Variants in EIF4G3 observed in about 807,000 individuals in gnomAD.
The protein encoded by EIF4G3 is eIF-4-gamma 3.
In EIF4G3, 34 loss-of-function variants were observed where a neutral mutation model predicts 186.4. That is an observed-to-expected ratio of 0.18 (90% CI 0.14 to 0.24). The LOEUF is 0.24. Ranked by LOEUF, EIF4G3 falls within the 10% of genes least tolerant of loss-of-function variation. The pLI, the probability that EIF4G3 is intolerant of heterozygous loss-of-function variation, is 1.00. For synonymous variants in EIF4G3, 673 were observed against 679.5 expected, an observed-to-expected ratio of 0.99 and a Z score of 0.15; for missense variants, 1,536 against 1,948.5, an observed-to-expected ratio of 0.79 and a Z score of 3.99.
intron 23 of EIF4G3, among the ~76,000 whole-genome samples, chr1:20,861,488 G>A (rs2076325856): frequency 2.0e-5 from 3 of 152,164 alleles, no homozygotes; most frequent in East Asian, 1.9e-4. Context: ...GGCACCTTAC[G>A]TAATTATTCC....
intron 19 of EIF4G3, among the ~76,000 whole-genome samples, chr1:20,885,196 C>T (rs1002609398): frequency 2.0e-5 from 3 of 152,124 alleles, no homozygotes; most frequent in Non-Finnish European, 4.4e-5. Flanking sequence ...GTTGGGGATC[C>T]CCTGCTCTCT....
At chr1:20,943,963 CTTTA>C (rs1356542707) in intron 13 of EIF4G3, among the ~76,000 whole-genome samples, 1 of 22,560 alleles carries the variant, frequency 4.4e-5, no homozygotes, top group African/African-American at 1.2e-4. Context: ...GAAAACTTGT[CTTTA>C]TTTTTTTTGT....
Position 20,980,457 on chromosome 1 carries a change from G to C in EIF4G3, c.379-9C>G. The C allele has an allele frequency of 6.6e-7, 1 of 1,511,830 alleles. No individual in the cohort carries two copies. Among genetic ancestry groups the C allele is most frequent in the Non-Finnish European group, 8.9e-7 (1 of 1,124,896 alleles). 93.7% of individuals were successfully genotyped at this position (1,511,830 alleles called of 1,614,324 possible). On this transcript the variant is annotated splice_polypyrimidine_tract_variant and intron_variant, in intron 9 of 36. Transcript: ENST00000602326. ...GGGCCACTATGACGGTACTAGAAAA[G>C]AGAAAGTATGAATATTTATAAATAA...
intron 7 of EIF4G3, among the ~76,000 whole-genome samples, chr1:20,994,431 T>C (rs1374439360): frequency 3.9e-5 from 6 of 152,118 alleles, no homozygotes; most frequent in Non-Finnish European, 8.8e-5. Context: ...CTCTGTGATA[T>C]GATGAAAAGA....
Position 20,895,793 on chromosome 1 carries a change from A to C in EIF4G3, c.2000-292T>G, listed in dbSNP as rs530857820. On this transcript the variant is annotated intron_variant, in intron 16 of 36. Transcript: ENST00000602326. Reference sequence around the variant, plus strand: ...CACATACAATCAAGTATAACACATAATATTTCATAGTAACAAGAAATAACT... The same window carrying C: ...CACATACAATCAAGTATAACACATACTATTTCATAGTAACAAGAAATAACT... Among the ~76,000 whole-genome samples the C allele has an allele frequency of 2.0e-5, 3 of 152,320 alleles. No individual in the cohort carries two copies. The South Asian group carries it at 6.2e-4, about 32-fold the overall frequency.
intron 2 of EIF4G3, among the ~76,000 whole-genome samples, chr1:21,159,984 T>C (rs1456248826): frequency 6.6e-6 from 1 of 151,900 alleles, no homozygotes; most frequent in Non-Finnish European, 1.5e-5. Context: ...CAGGTGCCTG[T>C]AATCCCAGCT....
chr1:21,016,901 G>A (rs2089264964), intron 4 of EIF4G3, among the ~76,000 whole-genome samples: 3 of 150,882 alleles, frequency 2.0e-5, no homozygotes, highest in Admixed American at 1.3e-4. Context: ...CCCAGGAGGC[G>A]GAGGTTGCAG....
chr1:20,943,998 G>T (rs1472698069), intron 13 of EIF4G3, among the ~76,000 whole-genome samples: 4 of 138,930 alleles, frequency 2.9e-5, no homozygotes, highest in African/African-American at 7.8e-5. Flanking sequence ...GTGTGTGTGT[G>T]TGTGTGTGTG....
chr1:20,818,352 A>G (rs985862824), intron 33 of EIF4G3, among the ~76,000 whole-genome samples: 1 of 152,166 alleles, frequency 6.6e-6, no homozygotes, highest in Admixed American at 6.5e-5. Context: ...AAAAATCTAT[A>G]ATCAGGCTGG....
chr1:20,892,853 T>G (rs2086576339), intron 18 of EIF4G3: 1 of 651,628 alleles, frequency 1.5e-6, no homozygotes, highest in East Asian at 2.8e-5. Context: ...ATATATATTT[T>G]TTCAGAGACA....
chr1:21,072,623 C>T (rs2095477674), intron 3 of EIF4G3, among the ~76,000 whole-genome samples: 1 of 151,920 alleles, frequency 6.6e-6, no homozygotes, highest in Admixed American at 6.6e-5. Context: ...AGGATGGTCT[C>T]GATCTCCTGA....
Position 20,943,967 on chromosome 1 carries a change from ATTTTTTTTGTGTGTGTGTGTGTGTGT to A in EIF4G3, c.824-1663_824-1638del, listed in dbSNP as rs755387485. 7.1e-3 allele frequency among the ~76,000 whole-genome samples: 461 copies of A among 65,376 alleles called. 5 individuals carry two copies. Among genetic ancestry groups the A allele is most frequent in the African/African-American group, 0.021 (360 of 17,044 alleles). The allele number at this position is 65,376 out of a possible 152,430, so 42.9% of individuals were successfully genotyped here. A position where few individuals can be genotyped will look rare whatever the true frequency, so the allele number is the denominator to read the frequency against. On this transcript the variant is annotated intron_variant, in intron 13 of 36. Coordinates refer to ENST00000602326, the MANE Select transcript of EIF4G3 (RefSeq NM_001391906.1). Reference sequence around the variant, plus strand: ...AAATATTTCAGGAAAACTTGTCTTTATTTTTTTTGTGTGTGTGTGTGTGTGTGTGTGTGTGTGTGTGTGTGTGTGTG... The same window carrying A: ...AAATATTTCAGGAAAACTTGTCTTTAGTGTGTGTGTGTGTGTGTGTGTGTG...
intron 19 of EIF4G3, among the ~76,000 whole-genome samples, chr1:20,881,992 C>T (rs1400544340): frequency 6.6e-6 from 1 of 151,516 alleles, no homozygotes; most frequent in African/African-American, 2.4e-5. Flanking sequence ...GGCGAAACCC[C>T]ATCACTATAA....
chr1:20,932,672 A>G (rs1442031052), intron 14 of EIF4G3, among the ~76,000 whole-genome samples: 2 of 152,100 alleles, frequency 1.3e-5, no homozygotes, highest in Non-Finnish European at 2.9e-5. Context: ...CAGAACATAC[A>G]TATTTCTCGA....
At chr1:21,080,940 T>C (rs777814558) in intron 3 of EIF4G3, among the ~76,000 whole-genome samples, 4 of 152,250 alleles carry the variant, frequency 2.6e-5, no homozygotes, top group Admixed American at 6.5e-5. Flanking sequence ...ACTAGCCTGA[T>C]AGTCATAAAA....
At chr1:20,907,432 G>A (rs1054953514) in intron 14 of EIF4G3, among the ~76,000 whole-genome samples, 4 of 151,546 alleles carry the variant, frequency 2.6e-5, no homozygotes, top group Admixed American at 2.6e-4. Flanking sequence ...GGGTACATGT[G>A]CACAACCTGC....
intron 2 of EIF4G3, among the ~76,000 whole-genome samples, chr1:21,092,936 C>T (rs1247153251): frequency 2.6e-5 from 4 of 152,022 alleles, no homozygotes; most frequent in East Asian, 3.9e-4. Context: ...TTACACCTTA[C>T]ACAAAAATTA....
chr1:21,036,463 CA>C (rs377231423), intron 4 of EIF4G3, among the ~76,000 whole-genome samples: 1 of 151,610 alleles, frequency 6.6e-6, no homozygotes, highest in African/African-American at 2.4e-5. Context: ...AATGTTAGTA[CA>C]AAAAAAAGAG....
At chr1:20,825,937 C>T (rs1166388082) in intron 32 of EIF4G3, among the ~76,000 whole-genome samples, 3 of 152,194 alleles carry the variant, frequency 2.0e-5, no homozygotes, top group African/African-American at 7.2e-5. Context: ...AAGAAAGTTA[C>T]AGTGACAACG....
Sources: allele counts gnomAD v4.1 joint callset (sites outside exome capture counted in the v4.1 genomes callset), GRCh38; gene constraint gnomAD v4.1.1; transcripts MANE v1.5; gene names NCBI Gene and HGNC (gene_info 2026-07-23, HGNC 2026-07-21).